CDKL4: variants seen among roughly 807,000 people sequenced by gnomAD.
CDKL4 encodes the protein cyclin-dependent kinase-like 4.
Under a neutral mutation model 42.0 loss-of-function variants are expected in CDKL4, and 44 were observed. The ratio of observed to expected loss-of-function variants is 1.05; its 90% CI spans 0.82 to 1.35. CDKL4 has a LOEUF of 1.35. CDKL4 is among the 40% of genes most tolerant of loss of function. CDKL4 has a pLI of 0.00. For missense variants in CDKL4, 393 were observed against 369.9 expected, an observed-to-expected ratio of 1.06 and a Z score of -0.51; for synonymous variants, 120 against 121.6, an observed-to-expected ratio of 0.99 and a Z score of 0.09.
At chr2:39,182,965 G>A (rs1475033134) in intron 8 of CDKL4, among the ~76,000 whole-genome samples, 1 of 152,138 alleles carries the variant, frequency 6.6e-6, no homozygotes, top group Admixed American at 6.5e-5. Flanking sequence ...ACCAGTTATG[G>A]TAGCCAGTAC....
intron 3 of CDKL4, among the ~76,000 whole-genome samples, chr2:39,215,201 G>C (rs1677841244): frequency 6.6e-6 from 1 of 152,172 alleles, no homozygotes; most frequent in Non-Finnish European, 1.5e-5. Context: ...AAAATAAAAA[G>C]ATGTCTCACT....
chr2:39,169,886 C>T, the CDKL4 span, among the ~76,000 whole-genome samples: 1 of 152,128 alleles, frequency 6.6e-6, no homozygotes, highest in Non-Finnish European at 1.5e-5. Context: ...GCAACCTCCG[C>T]CTCCTGGCTC....
At chr2:39,187,449 G>T (rs1675886830) in intron 7 of CDKL4, among the ~76,000 whole-genome samples, 178 bp downstream of exon 7, 1 of 151,882 alleles carries the variant, frequency 6.6e-6, no homozygotes, top group Non-Finnish European at 1.5e-5. Flanking sequence ...GGAGGCTGAG[G>T]TGGGAGGATC....
chr2:39,218,063 T>C (rs1678046888), intron 3 of CDKL4, among the ~76,000 whole-genome samples: 1 of 152,142 alleles, frequency 6.6e-6, no homozygotes, highest in Non-Finnish European at 1.5e-5. Context: ...TCAATCAGGC[T>C]GTTAATAACA....
intron 1 of CDKL4, among the ~76,000 whole-genome samples, chr2:39,236,328 C>T: frequency 6.6e-6 from 1 of 152,036 alleles, no homozygotes. Flanking sequence ...TCAATACTAC[C>T]AATATACATG....
In CDKL4 at chr2:39,192,981, A is replaced by G. The variant is rs1316001037; in HGVS notation, c.455-2479T>C. On this transcript the variant is annotated intron_variant, in intron 5 of 9. Coordinates refer to ENST00000451199, the Ensembl canonical transcript of CDKL4. Reference sequence around the variant, plus strand: ...TCCCTACAAAAAAAATAAAAAAATCAGCCAGGCATGGTAGCATGTGCCTGT... The same window carrying G: ...TCCCTACAAAAAAAATAAAAAAATCGGCCAGGCATGGTAGCATGTGCCTGT... Among the ~76,000 whole-genome samples, 7 of 151,960 alleles carry G rather than the reference A, an allele frequency of 4.6e-5. No individual in the cohort carries two copies. The East Asian group carries it at 1.4e-3, about 30-fold the overall frequency.
intron 1 of CDKL4, among the ~76,000 whole-genome samples, chr2:39,229,810 T>A (rs143804403): frequency 5.0e-4 from 76 of 152,358 alleles, no homozygotes; most frequent in African/African-American, 1.8e-3. Context: ...TGGTTCTATG[T>A]TGACCTCAGT....
At chr2:39,181,911 C>A (rs1434751590) in intron 8 of CDKL4, among the ~76,000 whole-genome samples, 2 of 152,198 alleles carry the variant, frequency 1.3e-5, no homozygotes, top group African/African-American at 2.4e-5. Flanking sequence ...CTACTTTATT[C>A]CCCATATATC....
At chr2:39,204,751 G>T (rs1381234261) in intron 4 of CDKL4, 134 bp from the exon 5 acceptor site, 2 of 449,412 alleles carry the variant, frequency 4.5e-6, no homozygotes, top group Non-Finnish European at 7.7e-6. Context: ...TTTTCTAAAA[G>T]AACTTAAATT....
At chr2:39,244,661 G>A (rs944496572), upstream of CDKL4, among the ~76,000 whole-genome samples, 4 of 152,242 alleles carry the variant, frequency 2.6e-5, no homozygotes, top group African/African-American at 9.6e-5. Context: ...AGGAGTGCGA[G>A]CGAACGGCGC....
intron 3 of CDKL4, among the ~76,000 whole-genome samples, chr2:39,216,086 T>A (rs1411611989): frequency 6.6e-6 from 1 of 152,186 alleles, no homozygotes; most frequent in South Asian, 2.1e-4. Flanking sequence ...GATATGCTGC[T>A]TCCTACTTTA....
At chr2:39,234,893 T>A (rs988490799) in intron 1 of CDKL4, among the ~76,000 whole-genome samples, 13 of 136,564 alleles carry the variant, frequency 9.5e-5, no homozygotes, top group African/African-American at 3.4e-4. Flanking sequence ...TAAAAAAAAT[T>A]TTTTTTTTTT....
At chr2:39,197,984 T>A (rs1257653074) in intron 5 of CDKL4, among the ~76,000 whole-genome samples, 1 of 152,046 alleles carries the variant, frequency 6.6e-6, no homozygotes, top group Non-Finnish European at 1.5e-5. Context: ...GTACCTCACA[T>A]CTCAATACTG....
At chr2:39,235,699 A>T (rs1056640841) in intron 1 of CDKL4, among the ~76,000 whole-genome samples, 19 of 152,162 alleles carry the variant, frequency 1.2e-4, no homozygotes, top group African/African-American at 3.9e-4. Flanking sequence ...GTACTGTAGA[A>T]CTATGATCAT....
chr2:39,239,768 T>C lies in CDKL4; in HGVS notation c.-57+4103A>G, dbSNP rs565877322. Among the ~76,000 whole-genome samples, 35 of 152,298 alleles carry C rather than the reference T, an allele frequency of 2.3e-4. No individual in the cohort carries two copies. The Middle Eastern group carries it at 0.01, about 44-fold the overall frequency. The stretch of plus-strand genomic sequence containing the variant: ...GAGGATGTAAAGCAGCACAGCTCCA[T>C]TGGAAAACAGTTTGGCAATGTCTTA... On this transcript the variant is annotated intron_variant, in intron 1 of 9. Coordinates refer to ENST00000451199, the Ensembl canonical transcript of CDKL4.
intron 5 of CDKL4, among the ~76,000 whole-genome samples, chr2:39,191,373 G>A (rs776522019): frequency 5.3e-5 from 8 of 152,200 alleles, no homozygotes; most frequent in Admixed American, 3.3e-4. Flanking sequence ...CAGCCTGGGC[G>A]ACAGAGTAAG....
chr2:39,230,545 T>G (rs1037731905), intron 1 of CDKL4, among the ~76,000 whole-genome samples: 1 of 152,220 alleles, frequency 6.6e-6, no homozygotes, highest in African/African-American at 2.4e-5. Context: ...TCATCCATTC[T>G]TGAATGAATG....
In CDKL4 at chr2:39,184,722, A is replaced by ATGTG. The variant is rs141702509; in HGVS notation, c.736-79_736-76dup. The ATGTG allele has an allele frequency of 1.1e-3, 836 of 760,850 alleles. 2 individuals are homozygous for ATGTG. The highest frequency in any genetic ancestry group is 5.3e-3 in the African/African-American group (302 of 57,110). 47.1% of individuals were successfully genotyped at this position (760,850 alleles called of 1,614,324 possible). ...TGTGTGTGTATATATGTGCGTATGT[A>ATGTG]TGTGTGTGTGTGTGTGTGTGTGTGT... On this transcript the variant is annotated intron_variant, in intron 7 of 9. Coordinates refer to ENST00000451199, the Ensembl canonical transcript of CDKL4.
chr2:39,228,698 G>A lies in CDKL4; in HGVS notation c.168+667C>T, dbSNP rs185314045. 1.3e-3 allele frequency among the ~76,000 whole-genome samples: 194 copies of A among 152,230 alleles called. 2 individuals are homozygous for A. The highest frequency in any genetic ancestry group is 3.4e-3 in the Middle Eastern group (1 of 294). On this transcript the variant is annotated intron_variant, in intron 2 of 9. Coordinates refer to ENST00000451199, the Ensembl canonical transcript of CDKL4. ...GATTCCAATGCATATTAACATTTGAGAAGTGCTGCCCCAGACCTCCGTTTC... is the reference window on the plus strand; with the variant it reads ...GATTCCAATGCATATTAACATTTGAAAAGTGCTGCCCCAGACCTCCGTTTC...
Sources: gnomAD v4.1 joint callset for allele counts (sites outside exome capture counted in the v4.1 genomes callset) on GRCh38, gnomAD v4.1.1 for gene constraint, MANE v1.5 for transcripts, NCBI Gene and HGNC (gene_info 2026-07-23, HGNC 2026-07-21) for gene names.